The following COL4A4 variants were observed in gnomAD, a reference collection of about 807,000 sequenced individuals.
COL4A4 encodes the protein collagen alpha-4(IV) chain.
In COL4A4, 105 loss-of-function variants were observed where a neutral mutation model predicts 192.9. The ratio of observed to expected loss-of-function variants is 0.54; its 90% confidence interval spans 0.46 to 0.64. The LOEUF is 0.64. COL4A4 is among the 30% of genes least tolerant of loss of function. The pLI, the probability that COL4A4 is intolerant of heterozygous loss-of-function variation, is 0.00. For synonymous variants in COL4A4, 762 were observed against 769.9 expected (o/e 0.99, Z 0.17); for missense variants, 1,967 against 2,169.3 (o/e 0.91, Z 1.85).
chr2:227,098,676 A>G lies in COL4A4; in HGVS notation c.1204+18T>C, dbSNP rs779579889. 1 of 1,599,522 alleles carries G rather than the reference A, an allele frequency of 6.3e-7. No individual in the cohort carries two copies. Among genetic ancestry groups the G allele is most frequent in the South Asian group, 1.1e-5 (1 of 90,710 alleles). ...AAATCTGACCTGTAAAAGCCAGGGC[A>G]CATCAGGGCATCCGTACCTGCACAG... On this transcript the variant is annotated intron_variant, in intron 19 of 47. Transcript: ENST00000396625.
chr2:227,042,405 T>C (rs1160493449), intron 36 of COL4A4, 150 bp from the exon 37 acceptor site: 1 of 628,010 alleles, frequency 1.6e-6, no homozygotes, highest in Non-Finnish European at 2.9e-6. Context: ...GGGAGAAAAA[T>C]ACATTTAAAT....
At chr2:227,032,468 G>A (rs1222800325) in intron 38 of COL4A4, among the ~76,000 whole-genome samples, 192 bp from the exon 39 acceptor site, 1 of 152,162 alleles carries the variant, frequency 6.6e-6, no homozygotes, top group African/African-American at 2.4e-5. Context: ...TCAGCCATAA[G>A]TTTTATTTCT....
At chr2:227,131,462 G>A (rs1430679204) in intron 4 of COL4A4, among the ~76,000 whole-genome samples, 1 of 151,924 alleles carries the variant, frequency 6.6e-6, no homozygotes, top group Non-Finnish European at 1.5e-5. Context: ...GCCCCTGTCT[G>A]CTTTTTAAGC....
chr2:227,105,707 A>G (rs1256862956), intron 12 of COL4A4, among the ~76,000 whole-genome samples: 2 of 152,206 alleles, frequency 1.3e-5, no homozygotes, highest in East Asian at 1.9e-4. Flanking sequence ...CTATTATTCT[A>G]CACTTAGTAT....
chr2:227,051,143 G>C lies in COL4A4; in HGVS notation c.2984C>G (p.Pro995Arg). 1 of 1,614,084 alleles carries C rather than the reference G, an allele frequency of 6.2e-7. No homozygotes were observed. The highest frequency in any genetic ancestry group is 1.3e-5 in the African/African-American group (1 of 75,006). Residue 995 changes from proline to arginine, a missense_variant, in exon 33 of 48, where the codon CCC becomes CGC. By Grantham distance (103) the Pro-to-Arg change is moderately radical. Transcript: ENST00000396625. ...FPGERGDKGTPGMQGRRGEPG... is the reference protein window; with the variant it reads ...FPGERGDKGTRGMQGRRGEPG... ...CTCTCCTCTTCTCCCTTGCATCCCGGGAGTTCCTTTATCACCTGATGAAGT... is the reference window on the plus strand; with the variant it reads ...CTCTCCTCTTCTCCCTTGCATCCCGCGAGTTCCTTTATCACCTGATGAAGT...
the COL4A4 span, among the ~76,000 whole-genome samples, chr2:226,968,452 T>A: frequency 1.3e-5 from 2 of 152,148 alleles, no homozygotes; most frequent in African/African-American, 4.8e-5. Context: ...TTAAGGCCTT[T>A]TAACCGATTG....
At chr2:227,039,446 C>T (rs1970348065) in intron 37 of COL4A4, among the ~76,000 whole-genome samples, 1 of 152,202 alleles carries the variant, frequency 6.6e-6, no homozygotes, top group South Asian at 2.1e-4. Context: ...GCTGTGATTA[C>T]AGGCATTAGC....
At chr2:227,107,165 C>A (rs2060896054) in intron 12 of COL4A4, among the ~76,000 whole-genome samples, 1 of 152,140 alleles carries the variant, frequency 6.6e-6, no homozygotes, top group African/African-American at 2.4e-5. Context: ...TTCTACAAGC[C>A]AGAGATCTCA....
chr2:227,091,291 GATA>G (rs2059913373), intron 20 of COL4A4, among the ~76,000 whole-genome samples: 1 of 148,514 alleles, frequency 6.7e-6, no homozygotes, highest in African/African-American at 2.6e-5. Context: ...TATAGATATA[GATA>G]TAGATATAAA....
At chr2:227,008,422 C>A in intron 46 of COL4A4, 118 bp from the exon 47 acceptor site, 2 of 1,161,638 alleles carry the variant, frequency 1.7e-6, no homozygotes, top group Non-Finnish European at 2.5e-6. Context: ...AGGCCCTCGC[C>A]AAAGCCTGCT....
At chr2:227,072,985 C>G (rs2058808560) in intron 25 of COL4A4, among the ~76,000 whole-genome samples, 1 of 151,926 alleles carries the variant, frequency 6.6e-6, no homozygotes, top group African/African-American at 2.4e-5. Flanking sequence ...AGAACAGGAA[C>G]AAGAGAAGGA....
At chr2:227,028,347 C>T (rs905684452) in intron 41 of COL4A4, among the ~76,000 whole-genome samples, 1 of 152,210 alleles carries the variant, frequency 6.6e-6, no homozygotes, top group Non-Finnish European at 1.5e-5. Flanking sequence ...CCGGGAACAA[C>T]GTGCCTCCCC....
At chr2:227,007,891 C>A in intron 47 of COL4A4, 127 bp downstream of exon 47, 1 of 1,190,116 alleles carries the variant, frequency 8.4e-7, no homozygotes, top group South Asian at 1.3e-5. Context: ...TGGTTTGCAA[C>A]AGTCCCCGTA....
rs1485421362 is a variant in COL4A4 at position 227,032,205 on chromosome 2, TC to T, written c.3648del (p.Ser1217AlafsTer71). ...GGACCTGGAGGAGAGATTCCTGGGC[TC>T]CCAGGGTCTCCTCTCTCCCCTTTTA... ...PGLKGERGDP[G>X]SPGISPPGPR... On this transcript the variant is annotated frameshift_variant, in exon 39 of 48. Coordinates refer to ENST00000396625, the MANE Select transcript of COL4A4 (RefSeq NM_000092.5). LOFTEE classifies it high-confidence loss of function. 6.2e-7 allele frequency: 1 copy of T among 1,613,996 alleles called. No individual in the cohort carries two copies. Among genetic ancestry groups the T allele is most frequent in the African/African-American group, 1.3e-5 (1 of 74,938 alleles).
rs537557592 is a variant in COL4A4 at position 227,109,264 on chromosome 2, G to T, written c.617C>A (p.Pro206Gln). The change falls in exon 10 of 48, where the codon CCG becomes CAG. Residue 206 changes from proline to glutamine, a missense_variant. Transcript: ENST00000396625. ...GLPGSWGAGG[P>Q]AGPTGYPGEP... Reference sequence around the variant, plus strand: ...TCCAGGATATCCTGTGGGACCTGCCGGTCCTCCTGCACCCCAAGATCCCTA... The same window carrying T: ...TCCAGGATATCCTGTGGGACCTGCCTGTCCTCCTGCACCCCAAGATCCCTA... 1.2e-6 allele frequency: 2 copies of T among 1,613,876 alleles called. No homozygotes were observed. Among genetic ancestry groups the T allele is most frequent in the Non-Finnish European group, 1.7e-6 (2 of 1,179,892 alleles).
At chr2:227,067,106 A>C (rs2058390593) in intron 25 of COL4A4, among the ~76,000 whole-genome samples, 2 of 152,116 alleles carry the variant, frequency 1.3e-5, no homozygotes, top group African/African-American at 2.4e-5. Flanking sequence ...AACAAAGATC[A>C]AAAGAGACAA....
At chr2:226,997,045 G>A in the COL4A4 span, 1 of 152,142 alleles carries the variant, frequency 6.6e-6, no homozygotes, top group South Asian at 2.1e-4. Flanking sequence ...ATGGAGTTTT[G>A]TGTCCAAATC....
intron 4 of COL4A4, among the ~76,000 whole-genome samples, chr2:227,139,878 A>C (rs1382881112): frequency 6.6e-6 from 1 of 152,172 alleles, no homozygotes; most frequent in Non-Finnish European, 1.5e-5. Flanking sequence ...ATGGTGACCC[A>C]GTAGTTACCA....
chr2:227,159,525 A>G (rs375260131), intron 1 of COL4A4, among the ~76,000 whole-genome samples: 13 of 152,348 alleles, frequency 8.5e-5, no homozygotes, highest in African/African-American at 3.1e-4. Context: ...ATATGGTTTG[A>G]CTTTGTGTCC....
Sources: allele counts gnomAD v4.1 joint callset (sites outside exome capture counted in the v4.1 genomes callset), GRCh38; gene constraint gnomAD v4.1.1; transcripts MANE v1.5; gene names NCBI Gene and HGNC (gene_info 2026-07-23, HGNC 2026-07-21).